The following FOXK1 variants were observed in gnomAD, a reference collection of about 807,000 sequenced individuals.
The protein encoded by FOXK1 is forkhead box K1, also known as forkhead box protein K1.
Under a neutral mutation model 51.9 loss-of-function variants are expected in FOXK1, and 19 were observed. That is an observed-to-expected ratio of 0.37 (90% CI 0.26 to 0.54). FOXK1 has a LOEUF of 0.54. FOXK1 is among the 20% of genes least tolerant of loss of function. FOXK1 has a pLI of 0.87. For missense variants in FOXK1, 870 were observed against 1,032.7 expected (o/e 0.84, Z 2.16); for synonymous variants, 537 against 482.6 (o/e 1.11, Z -1.48).
chr7:4,759,370 G>A lies in FOXK1; in HGVS notation c.1471G>A (p.Val491Met). The A allele has an allele frequency of 1.2e-6, 2 of 1,602,458 alleles. No homozygotes were observed. Among genetic ancestry groups the A allele is most frequent in the Non-Finnish European group, 1.7e-6 (2 of 1,179,284 alleles). Residue 491 changes from valine (V) to methionine (M), a missense_variant, in exon 7 of 9, where the codon GTG becomes ATG. Coordinates refer to ENST00000328914, the MANE Select transcript of FOXK1 (RefSeq NM_001037165.2). ...MAVPPRPSSL[V>M]AKPVAYMPAS... is the part of the protein sequence containing the mutation. ...CGTGCCTCCCCGACCGTCCAGCCTC[G>A]TGGCCAAGCCCGTGGCCTACATGCC...
rs1260904933 is a variant in FOXK1, at chr7:4,723,022, G to A, written c.561-17816G>A. ...GAGATCCAGACAAGAGGCAGCGCTG[G>A]GTTCAGATCACCACACAACCTGTAT... On this transcript the variant is annotated intron_variant, in intron 1 of 8. Transcript: ENST00000328914. The surrounding 1 kb of genome is among the most constrained non-coding windows in gnomAD (Gnocchi z 4.7). 6.6e-6 allele frequency among the ~76,000 whole-genome samples: 1 copy of A among 151,942 alleles called. No homozygotes were observed. The highest frequency in any genetic ancestry group is 2.4e-5 in the African/African-American group (1 of 41,350).
chr7:4,762,875 C>T lies in FOXK1; in HGVS notation c.*411C>T, dbSNP rs1780956107. ...ACAGACAGAAACGCAGCAAGGCACA[C>T]ACCAAGGCTGCCGGGGAGGCCCGGG... On this transcript the variant is annotated 3_prime_UTR_variant, in exon 9 of 9. Transcript: ENST00000328914. This position sits in a 1 kb window ranked among gnomAD's most constrained non-coding sequence, Gnocchi z 5.7. The T allele has an allele frequency of 1.1e-5, 2 of 183,944 alleles. No individual in the cohort carries two copies. The highest frequency in any genetic ancestry group is 2.6e-4 in the South Asian group (2 of 7,594). The allele number at this position is 183,944 out of a possible 1,614,324, so 11.4% of individuals were successfully genotyped here. A position where few individuals can be genotyped will look rare whatever the true frequency, so the allele number is the denominator to read the frequency against.
intron 1 of FOXK1, among the ~76,000 whole-genome samples, chr7:4,716,942 T>C (rs1780241810): frequency 6.6e-6 from 1 of 152,092 alleles, no homozygotes; most frequent in Non-Finnish European, 1.5e-5. Flanking sequence ...AAGTTGTACG[T>C]GGTGGGAGGC....
At chr7:4,695,476 C>T (rs1476638154) in intron 1 of FOXK1, among the ~76,000 whole-genome samples, 1 of 152,174 alleles carries the variant, frequency 6.6e-6, no homozygotes, top group African/African-American at 2.4e-5. Context: ...TCCAACATGG[C>T]CACCACTAGG....
rs1200160930 is a variant in FOXK1 at position 4,703,309 on chromosome 7, C to T, written c.560+20441C>T. On this transcript the variant is annotated intron_variant, in intron 1 of 8. Coordinates refer to ENST00000328914, the MANE Select transcript of FOXK1 (RefSeq NM_001037165.2). The surrounding 1 kb of genome is among the most constrained non-coding windows in gnomAD (Gnocchi z 5.6). ...GGTGAGGGGAGGGAGGGGGAGGACC[C>T]GAGGGGGCAGAGCATTTAGGACATG... Among the ~76,000 whole-genome samples the T allele has an allele frequency of 6.6e-6, 1 of 151,998 alleles. No individual in the cohort carries two copies.
intron 1 of FOXK1, among the ~76,000 whole-genome samples, chr7:4,684,070 G>C (rs1370415008): frequency 2.6e-5 from 4 of 152,114 alleles, no homozygotes; most frequent in Non-Finnish European, 4.4e-5. Context: ...GTCACCTCCC[G>C]CCCATTCCGG....
chr7:4,736,595 G>T (rs571079192), intron 1 of FOXK1, among the ~76,000 whole-genome samples: 1 of 152,060 alleles, frequency 6.6e-6, no homozygotes, highest in Non-Finnish European at 1.5e-5. Context: ...TGTATTTTTA[G>T]TAGAGAGGGG....
At position 4,738,225 on chromosome 7, in the gene FOXK1, T is replaced by C. The variant is rs371104586; in HGVS notation, c.561-2613T>C. 7.5e-3 allele frequency among the ~76,000 whole-genome samples: 1,123 copies of C among 149,982 alleles called. 8 individuals are homozygous for C. Among genetic ancestry groups the C allele is most frequent in the African/African-American group, 0.012 (477 of 40,716 alleles). On this transcript the variant is annotated intron_variant, in intron 1 of 8. Transcript: ENST00000328914. The stretch of plus-strand genomic sequence containing the variant: ...GCCGAGGTGGTTGGGTCACCTGAGG[T>C]CAGGAGTTTGAGACCAGCCTGGCCA...
chr7:4,740,786 GTCTTC>G, intron 1 of FOXK1, 47 bp from the exon 2 acceptor site: 1 of 1,543,020 alleles, frequency 6.5e-7, no homozygotes, highest in Non-Finnish European at 8.7e-7. Flanking sequence ...GGGTGTTGGC[GTCTTC>G]TTGAGTCTCC....
chr7:4,684,383 A>G (rs1456294374), intron 1 of FOXK1, among the ~76,000 whole-genome samples: 2 of 152,260 alleles, frequency 1.3e-5, no homozygotes, highest in Non-Finnish European at 2.9e-5. Flanking sequence ...TAGTCTTGGC[A>G]TGTTTGGTTA....
At chr7:4,736,546 G>A (rs1246044269) in intron 1 of FOXK1, among the ~76,000 whole-genome samples, 1 of 151,928 alleles carries the variant, frequency 6.6e-6, no homozygotes, top group African/African-American at 2.4e-5. Flanking sequence ...CCGAGTAGCT[G>A]GGATTACATG....
At chr7:4,757,634 C>CAAAAAAAA (rs59200954) in intron 5 of FOXK1, among the ~76,000 whole-genome samples, 9 of 20,202 alleles carry the variant, frequency 4.5e-4, no homozygotes, top group African/African-American at 6.3e-4. Flanking sequence ...AACTCCGTCT[C>CAAAAAAAA]AAAAAAAAAA....
chr7:4,724,245 G>A (rs1780350890), intron 1 of FOXK1, among the ~76,000 whole-genome samples: 1 of 152,160 alleles, frequency 6.6e-6, no homozygotes. Flanking sequence ...ACCCAGGCTG[G>A]AGTGCAGTGG....
In FOXK1 at chr7:4,704,601, A is replaced by C. The variant is rs182596275; in HGVS notation, c.560+21733A>C. ...TCCCTATTTCGGAACTGGATAAGCTAAGCTGGGATCCACGCAGCACGCAGC... is the reference window on the plus strand; with the variant it reads ...TCCCTATTTCGGAACTGGATAAGCTCAGCTGGGATCCACGCAGCACGCAGC... On this transcript the variant is annotated intron_variant, in intron 1 of 8. Coordinates refer to ENST00000328914, the MANE Select transcript of FOXK1 (RefSeq NM_001037165.2). Among the ~76,000 whole-genome samples the C allele has an allele frequency of 1.1e-3, 169 of 152,108 alleles. 3 individuals carry two copies. In the East Asian group the frequency reaches 0.024, roughly 22 times the overall value.
chr7:4,706,766 T>A (rs1780107354), intron 1 of FOXK1, among the ~76,000 whole-genome samples: 1 of 152,248 alleles, frequency 6.6e-6, no homozygotes, highest in Admixed American at 6.5e-5. Context: ...GAATGAGGCA[T>A]GATTTCCTTT....
intron 1 of FOXK1, among the ~76,000 whole-genome samples, chr7:4,717,024 C>T (rs1168192038): frequency 6.9e-5 from 9 of 130,768 alleles, no homozygotes; most frequent in Non-Finnish European, 1.3e-4. Context: ...TGGTGGGAGG[C>T]GTGTGGCTGG....
Position 4,759,339 on chromosome 7 carries a change from C to G in FOXK1, c.1440C>G (p.Ile480Met), listed in dbSNP as rs755214829. ...CCCCCGTCAGCGCCCAGCCAGTGAT[C>G]ATGGCCGTGCCTCCCCGACCGTCCA... Reference protein sequence around the residue: ...PGSPVSAQPVIMAVPPRPSSL... With the variant: ...PGSPVSAQPVMMAVPPRPSSL... Residue 480 changes from isoleucine (I) to methionine (M), a missense_variant, in exon 7 of 9, where the codon ATC (isoleucine) becomes ATG (methionine). Physicochemically the swap from Ile to Met is conservative, Grantham distance 10. Coordinates refer to ENST00000328914, the MANE Select transcript of FOXK1 (RefSeq NM_001037165.2). 5 of 1,601,820 alleles carry G rather than the reference C, an allele frequency of 3.1e-6. No homozygotes were observed. The highest frequency in any genetic ancestry group is 1.1e-5 in the South Asian group (1 of 90,870).
intron 1 of FOXK1, among the ~76,000 whole-genome samples, chr7:4,692,882 A>G (rs1437496919): frequency 6.6e-6 from 1 of 152,158 alleles, no homozygotes; most frequent in East Asian, 1.9e-4. Context: ...GAGCACCACC[A>G]GACCAGCTAA....
chr7:4,752,034 C>G (rs1198001337), intron 2 of FOXK1, among the ~76,000 whole-genome samples: 1 of 152,168 alleles, frequency 6.6e-6, no homozygotes, highest in South Asian at 2.1e-4. Flanking sequence ...CTCACTGCAG[C>G]CTCGACCTCC....
Sources: allele counts gnomAD v4.1 joint callset (sites outside exome capture counted in the v4.1 genomes callset), GRCh38; gene constraint gnomAD v4.1.1; non-coding constraint Gnocchi (gnomAD v3.1); transcripts MANE v1.5; gene names NCBI Gene and HGNC (gene_info 2026-07-23, HGNC 2026-07-21).